Variants in SGCG observed in about 807,000 individuals in gnomAD.
SGCG encodes gamma-sarcoglycan.
Under a neutral mutation model 29.3 loss-of-function variants are expected in SGCG, and 26 were observed. The observed-to-expected ratio is 0.89, with a 90% CI of 0.65 to 1.23. SGCG has a LOEUF of 1.23. Ranked by LOEUF, SGCG falls within the 50% of genes most tolerant of loss-of-function variation. SGCG has a pLI of 0.00. For synonymous variants in SGCG, 145 were observed against 129.7 expected, an observed-to-expected ratio of 1.12 and a Z score of -0.80; for missense variants, 353 against 356.0, an observed-to-expected ratio of 0.99 and a Z score of 0.07.
chr13:23,239,254 G>C (rs1879420100), intron 3 of SGCG, among the ~76,000 whole-genome samples: 1 of 151,936 alleles, frequency 6.6e-6, no homozygotes, highest in South Asian at 2.1e-4. Flanking sequence ...AACATACAAA[G>C]GAGTGAAAAA....
intron 4 of SGCG, among the ~76,000 whole-genome samples, chr13:23,262,733 C>G (rs1325377271): frequency 6.6e-6 from 1 of 151,926 alleles, no homozygotes; most frequent in Admixed American, 6.6e-5. Context: ...GAAACATTCT[C>G]CATGGTAGAT....
At chr13:23,169,418 C>T in the SGCG span, among the ~76,000 whole-genome samples, 1 of 151,660 alleles carries the variant, frequency 6.6e-6, no homozygotes, top group South Asian at 2.1e-4. Context: ...CGGTGGCTCA[C>T]GCCTGTAATC....
intron 6 of SGCG, among the ~76,000 whole-genome samples, chr13:23,311,445 G>A (rs1226465959): frequency 1.3e-5 from 2 of 152,184 alleles, no homozygotes; most frequent in African/African-American, 4.8e-5. Flanking sequence ...TTTTTCACTT[G>A]TAGTCTGTGG....
chr13:23,209,525 A>G (rs967763151), intron 2 of SGCG, among the ~76,000 whole-genome samples: 8 of 152,206 alleles, frequency 5.3e-5, no homozygotes, highest in African/African-American at 1.9e-4. Context: ...ATCATTTGAA[A>G]AGGATTTTTA....
chr13:23,247,685 C>A (rs1156999203), intron 3 of SGCG, among the ~76,000 whole-genome samples: 1 of 151,904 alleles, frequency 6.6e-6, no homozygotes, highest in Non-Finnish European at 1.5e-5. Flanking sequence ...GTGGCTCACA[C>A]CTGTAATTCC....
intron 4 of SGCG, among the ~76,000 whole-genome samples, chr13:23,278,202 G>C (rs1881162656): frequency 2.0e-5 from 3 of 152,006 alleles, no homozygotes; most frequent in South Asian, 2.1e-4. Context: ...CTAGCACTTT[G>C]GGAGGCCAAG....
chr13:23,278,734 G>C (rs373392039), intron 4 of SGCG, among the ~76,000 whole-genome samples: 2 of 152,298 alleles, frequency 1.3e-5, no homozygotes, highest in African/African-American at 4.8e-5. Context: ...GGAAGGCAAT[G>C]GGTCTAGAGC....
the SGCG span, among the ~76,000 whole-genome samples, chr13:23,172,249 A>G: frequency 1.3e-5 from 2 of 152,144 alleles, no homozygotes; most frequent in Non-Finnish European, 2.9e-5. Context: ...CTTCTTTTCA[A>G]AGAAGAAAGT....
chr13:23,231,028 CATCT>C (rs1343667138), intron 2 of SGCG, among the ~76,000 whole-genome samples: 1 of 152,212 alleles, frequency 6.6e-6, no homozygotes, highest in Non-Finnish European at 1.5e-5. Flanking sequence ...GCCTTTTCTA[CATCT>C]ATTGAGATAA....
chr13:23,306,682 C>A (rs1438753619), intron 6 of SGCG, among the ~76,000 whole-genome samples: 2 of 152,126 alleles, frequency 1.3e-5, no homozygotes, highest in Non-Finnish European at 2.9e-5. Context: ...TTAACTTGAA[C>A]AATGAAAACA....
chr13:23,231,000 T>G (rs1191753252), intron 2 of SGCG, among the ~76,000 whole-genome samples: 5 of 152,138 alleles, frequency 3.3e-5, no homozygotes, highest in Non-Finnish European at 7.3e-5. Context: ...CACGAAAGGG[T>G]GTTGAATTTT....
chr13:23,311,836 C>A (rs945834130), intron 6 of SGCG, among the ~76,000 whole-genome samples: 3 of 151,944 alleles, frequency 2.0e-5, no homozygotes, highest in East Asian at 1.9e-4. Context: ...AATTATTGTT[C>A]TTTCTCCTCT....
chr13:23,241,581 A>G (rs529112462), intron 3 of SGCG, among the ~76,000 whole-genome samples: 2 of 152,298 alleles, frequency 1.3e-5, no homozygotes, highest in East Asian at 1.9e-4. Context: ...AACTTTTTCA[A>G]AAACTTGAAG....
intron 4 of SGCG, among the ~76,000 whole-genome samples, chr13:23,254,994 G>A (rs1001459942): frequency 6.6e-6 from 1 of 152,228 alleles, no homozygotes; most frequent in Admixed American, 6.5e-5. Flanking sequence ...GAAACATGCT[G>A]CAGGGACACA....
chr13:23,282,677 A>G (rs1390765259), intron 5 of SGCG, among the ~76,000 whole-genome samples: 1 of 151,514 alleles, frequency 6.6e-6, no homozygotes, highest in Non-Finnish European at 1.5e-5. Context: ...ATTCTTTTTA[A>G]TGACTGCATA....
intron 4 of SGCG, among the ~76,000 whole-genome samples, chr13:23,258,461 G>A (rs143391705): frequency 4.3e-4 from 65 of 152,190 alleles, no homozygotes; most frequent in African/African-American, 1.5e-3. Context: ...AGACGATGAG[G>A]TTTTCTAAAT....
At chr13:23,167,732 T>C in the SGCG span, among the ~76,000 whole-genome samples, 6 of 75,976 alleles carry the variant, frequency 7.9e-5, no homozygotes, top group Non-Finnish European at 1.6e-4. Context: ...TCTTTTGCCC[T>C]TTTTTTTTTT....
In SGCG at chr13:23,224,795, A is replaced by G. The variant is rs1301274286; in HGVS notation, c.196-9816A>G. Among the ~76,000 whole-genome samples the G allele has an allele frequency of 2.0e-5, 3 of 152,110 alleles. 1 individual carries two copies. The highest frequency in any genetic ancestry group is 4.1e-4 in the South Asian group (2 of 4,830). ...CAAGGTTTTCAACCCTAGCTACACA[A>G]TAGAATTACCTGGAAGCTTCATAAA... On this transcript the variant is annotated intron_variant, in intron 2 of 7. Transcript: ENST00000218867.
At chr13:23,293,473 G>A (rs1881792630) in intron 5 of SGCG, among the ~76,000 whole-genome samples, 1 of 152,146 alleles carries the variant, frequency 6.6e-6, no homozygotes, top group African/African-American at 2.4e-5. Flanking sequence ...TAAGGAAGTA[G>A]TAATTATAAT....
Sources: gnomAD v4.1 joint callset for allele counts (sites outside exome capture counted in the v4.1 genomes callset) on GRCh38, gnomAD v4.1.1 for gene constraint, MANE v1.5 for transcripts, NCBI Gene and HGNC (gene_info 2026-07-23, HGNC 2026-07-21) for gene names.